Variants in FCN1 observed in about 807,000 individuals in gnomAD.
FCN1 encodes the protein ficolin 1.
In FCN1, 42 loss-of-function variants were observed where a neutral mutation model predicts 35.6. The observed-to-expected ratio is 1.18, with a 90% CI of 0.92 to 1.53. The LOEUF is 1.53. Among genes scored for constraint, FCN1 ranks in the 40% most tolerant of loss-of-function variants. The pLI, the probability that FCN1 is intolerant of heterozygous loss-of-function variation, is 0.00. For missense variants in FCN1, 439 were observed against 428.4 expected, an observed-to-expected ratio of 1.02 and a Z score of -0.22; for synonymous variants, 179 against 169.8, an observed-to-expected ratio of 1.05 and a Z score of -0.42.
At position 134,907,707 on chromosome 9, in the gene FCN1, T is replaced by C. The variant is rs1015584700; in HGVS notation, c.*2091A>G. ...TATCTACAATGGAATCCATAGCACA[T>C]ACCCTCTTGAACAGGCTCCTTTTGC... On this transcript the variant is annotated 3_prime_UTR_variant, in exon 9 of 9. Coordinates refer to ENST00000371806, the MANE Select transcript of FCN1 (RefSeq NM_002003.5). The C allele has an allele frequency of 5.9e-5, 9 of 152,240 alleles. No individual in the cohort carries two copies. Among genetic ancestry groups the C allele is most frequent in the African/African-American group, 2.2e-4 (9 of 41,470 alleles). 9.4% of individuals were successfully genotyped at this position (152,240 alleles called of 1,614,324 possible).
rs1366242238 is a variant in FCN1 at position 134,904,031 on chromosome 9, G to A, written c.*5767C>T. 6.6e-6 allele frequency among the ~76,000 whole-genome samples: 1 copy of A among 152,166 alleles called. No homozygotes were observed. Among genetic ancestry groups the A allele is most frequent in the Non-Finnish European group, 1.5e-5 (1 of 68,032 alleles). ...CTAGAACAAGAGACATATGAGACACGAGCAAACATTGGCCATTGGTGTAAC... is the reference window on the plus strand; with the variant it reads ...CTAGAACAAGAGACATATGAGACACAAGCAAACATTGGCCATTGGTGTAAC... On this transcript the variant is annotated 3_prime_UTR_variant, in exon 9 of 9. Coordinates refer to ENST00000371806, the MANE Select transcript of FCN1 (RefSeq NM_002003.5).
In FCN1 at chr9:134,913,113, C is replaced by A. The variant is rs147309328; in HGVS notation, c.371G>T (p.Arg124Leu). 17 of 1,613,820 alleles carry A rather than the reference C, an allele frequency of 1.1e-5. No individual in the cohort carries two copies. Among genetic ancestry groups the A allele is most frequent in the African/African-American group, 2.7e-5 (2 of 74,926 alleles). The change falls in exon 6 of 9, where the codon CGG becomes CTG. Residue 124 changes from arginine to leucine, a missense_variant. Transcript: ENST00000371806. ...GTGCCAGCCGCTCAGGAAATACCCC[C>A]GGTCTAGCAGGTCCTTGCAGTTGCG... Reference protein sequence around the residue: ...GPRNCKDLLDRGYFLSGWHTI... With the variant: ...GPRNCKDLLDLGYFLSGWHTI...
rs1252164255 is a variant in FCN1, at chr9:134,908,447, C to T, written c.*1351G>A. Reference sequence around the variant, plus strand: ...CAAAGTCAGAGCCTGCAAATACCTTCCATGGCAAAAGAGACTTTGCTGATG... The same window carrying T: ...CAAAGTCAGAGCCTGCAAATACCTTTCATGGCAAAAGAGACTTTGCTGATG... On this transcript the variant is annotated 3_prime_UTR_variant, in exon 9 of 9. Transcript: ENST00000371806. 6.6e-6 allele frequency: 1 copy of T among 152,202 alleles called. No homozygotes were observed. The highest frequency in any genetic ancestry group is 6.5e-5 in the Admixed American group (1 of 15,284). The allele number at this position is 152,202 out of a possible 1,614,324, so 9.4% of individuals were successfully genotyped here.
At chr9:134,914,597 C>T (rs1831068280) in intron 3 of FCN1, among the ~76,000 whole-genome samples, 159 bp downstream of exon 3, 1 of 152,134 alleles carries the variant, frequency 6.6e-6, no homozygotes, top group Non-Finnish European at 1.5e-5. Context: ...TGGAATATCC[C>T]AGGGTCCCTG....
In FCN1 at chr9:134,917,778, T is replaced by A. The variant is rs1358831171; in HGVS notation, c.94A>T (p.Thr32Ser). 6.2e-7 allele frequency: 1 copy of A among 1,612,828 alleles called. No individual in the cohort carries two copies. The highest frequency in any genetic ancestry group is 1.3e-5 in the African/African-American group (1 of 75,028). The part of the protein sequence containing the change: ...IKNLPAQAAD[T>S]CPEVKVVGLE... The stretch of plus-strand genomic sequence containing the variant: ...CCCAGGTCTGTCTCACCTGGACATG[T>A]GTCCGCAGCCTGGGCAGGCAGGTTC... The change falls in exon 1 of 9, where the codon ACA becomes TCA. Residue 32 changes from threonine (T) to serine (S), a missense_variant. By Grantham distance (58) the Thr-to-Ser change is moderately conservative. Coordinates refer to ENST00000371806, the MANE Select transcript of FCN1 (RefSeq NM_002003.5).
chr9:134,909,478 ACT>A lies in FCN1; in HGVS notation c.*318_*319del, dbSNP rs1419275191. Reference sequence around the variant, plus strand: ...TGCCATCTGCTAAATAAGGGTCCTGACTCTTCCCGACTTACCAAATTCCAGGG... The same window carrying A: ...TGCCATCTGCTAAATAAGGGTCCTGACTTCCCGACTTACCAAATTCCAGGG... On this transcript the variant is annotated 3_prime_UTR_variant, in exon 9 of 9. Transcript: ENST00000371806. 7.6e-7 allele frequency: 1 copy of A among 1,315,270 alleles called. No individual in the cohort carries two copies. Among genetic ancestry groups the A allele is most frequent in the East Asian group, 5.0e-5 (1 of 19,924 alleles). The allele number at this position is 1,315,270 out of a possible 1,614,324, so 81.5% of individuals were successfully genotyped here.
rs747393797 is a variant in FCN1 at position 134,910,026 on chromosome 9, G to C, written c.753C>G (p.His251Gln). 3.8e-5 allele frequency: 62 copies of C among 1,613,960 alleles called. No individual in the cohort carries two copies. Among genetic ancestry groups the C allele is most frequent in the Non-Finnish European group, 4.9e-5 (58 of 1,180,008 alleles). The change falls in exon 9 of 9, where the codon CAC (histidine) becomes CAG (glutamine). Residue 251 changes from histidine (H) to glutamine (Q), a missense_variant. Physicochemically the swap from His to Gln is conservative, Grantham distance 24. Transcript: ENST00000371806. ...CTTTGGTGGAGAAGAAGTTGTTGTT[G>C]TGGCCCGTTAGAGAATTACCTGCTC... ...GGSAGNSLTG[H>Q]NNNFFSTKDQ...
At chr9:134,914,558 T>A (rs1831067654) in intron 3 of FCN1, 138 bp from the exon 4 acceptor site, 5 of 996,496 alleles carry the variant, frequency 5.0e-6, no homozygotes, top group Middle Eastern at 2.1e-4. Flanking sequence ...AACGCCCAGG[T>A]CTCAATGGTG....
chr9:134,912,910 C>A lies in FCN1; in HGVS notation c.468+106G>T. On this transcript the variant is annotated intron_variant, in intron 6 of 8. Coordinates refer to ENST00000371806, the MANE Select transcript of FCN1 (RefSeq NM_002003.5). ...CACTTCCCCCATCATCTATGATTGT[C>A]CCCATCCAGGGGAATAGAGAATTCC... 1.3e-6 allele frequency: 2 copies of A among 1,504,926 alleles called. 1 individual carries two copies. Among genetic ancestry groups the A allele is most frequent in the South Asian group, 2.5e-5 (2 of 80,548 alleles). 93.2% of individuals were successfully genotyped at this position (1,504,926 alleles called of 1,614,324 possible).
intron 2 of FCN1, 144 bp from the exon 3 acceptor site, chr9:134,914,953 G>A: frequency 3.0e-6 from 2 of 656,050 alleles, no homozygotes; most frequent in African/African-American, 1.8e-5. Context: ...AGAATTGCTA[G>A]CCATGGATTT....
chr9:134,915,381 C>G (rs1588153493), intron 2 of FCN1, among the ~76,000 whole-genome samples: 1 of 152,176 alleles, frequency 6.6e-6, no homozygotes, highest in African/African-American at 2.4e-5. Flanking sequence ...ACCCCAGTGG[C>G]TGGGGAGAGT....
chr9:134,907,456 A>G lies in FCN1; in HGVS notation c.*2342T>C, dbSNP rs527947586. 1 of 152,362 alleles carries G rather than the reference A, an allele frequency of 6.6e-6. No individual in the cohort carries two copies. The highest frequency in any genetic ancestry group is 2.1e-4 in the South Asian group (1 of 4,828). 9.4% of individuals were successfully genotyped at this position (152,362 alleles called of 1,614,324 possible). A position where few individuals can be genotyped will look rare whatever the true frequency, so the allele number is the denominator to read the frequency against. ...TGTACTCAAAAGTGTATAAAGCAAA[A>G]GTACAGCTTAATTATTTTCATCACT... On this transcript the variant is annotated 3_prime_UTR_variant, in exon 9 of 9. Transcript: ENST00000371806.
At position 134,907,656 on chromosome 9, in the gene FCN1, T is replaced by C. The variant is rs1349093041; in HGVS notation, c.*2142A>G. 1.3e-5 allele frequency: 2 copies of C among 152,234 alleles called. No homozygotes were observed. Among genetic ancestry groups the C allele is most frequent in the Non-Finnish European group, 2.9e-5 (2 of 68,044 alleles). 9.4% of individuals were successfully genotyped at this position (152,234 alleles called of 1,614,324 possible). A position where few individuals can be genotyped will look rare whatever the true frequency, so the allele number is the denominator to read the frequency against. On this transcript the variant is annotated 3_prime_UTR_variant, in exon 9 of 9. Transcript: ENST00000371806. ...CCTAAATATGCATCCAAAATACCAT[T>C]GGCTACTTTTGCTTTTGAAAAACTT...
At position 134,903,735 on chromosome 9, in the gene FCN1, G is replaced by A. The variant is rs1386201745; in HGVS notation, c.*6063C>T. ...GAAGATAAGATCTACAGGCCACTGA[G>A]GTGTTTAAAATGTCTTTAAAAACGA... On this transcript the variant is annotated 3_prime_UTR_variant, in exon 9 of 9. Transcript: ENST00000371806. 6.6e-6 allele frequency among the ~76,000 whole-genome samples: 1 copy of A among 152,122 alleles called. No individual in the cohort carries two copies. The highest frequency in any genetic ancestry group is 2.4e-5 in the African/African-American group (1 of 41,418).
At position 134,907,327 on chromosome 9, in the gene FCN1, CAAGAA is replaced by C. The variant is rs1830967495; in HGVS notation, c.*2466_*2470del. On this transcript the variant is annotated 3_prime_UTR_variant, in exon 9 of 9. Transcript: ENST00000371806. ...GGACCTCTCCTTACAGGTATTGAGT[CAAGAA>C]CACTGGGCATCAGTGGAGGATGTGC... The C allele has an allele frequency of 6.6e-6, 1 of 152,190 alleles. No individual in the cohort carries two copies. 9.4% of individuals were successfully genotyped at this position (152,190 alleles called of 1,614,324 possible).
In FCN1 at chr9:134,909,403, G is replaced by C; in HGVS notation, c.*395C>G. On this transcript the variant is annotated 3_prime_UTR_variant, in exon 9 of 9. Transcript: ENST00000371806. ...GAGGATCGCCCTGTGTCAATTACTG[G>C]AGGTGGAAAATCCTCGCAAAAGTCA... 1 of 1,290,702 alleles carries C rather than the reference G, an allele frequency of 7.7e-7. No individual in the cohort carries two copies. The allele number at this position is 1,290,702 out of a possible 1,614,324, so 80.0% of individuals were successfully genotyped here.
chr9:134,903,392 A>T lies in FCN1; in HGVS notation c.*6406T>A, dbSNP rs534604888. On this transcript the variant is annotated 3_prime_UTR_variant, in exon 9 of 9. Transcript: ENST00000371806. ...AATAAACATTGGCAAATTTAAAATA[A>T]TTGAAATCATATTAAGTTTGTTCTC... is the stretch of plus-strand genomic sequence containing the variant. Among the ~76,000 whole-genome samples, 4 of 152,324 alleles carry T rather than the reference A, an allele frequency of 2.6e-5. No homozygotes were observed. The South Asian group carries it at 8.3e-4, about 32-fold the overall frequency.
chr9:134,913,081 A>T lies in FCN1; in HGVS notation c.403T>A (p.Tyr135Asn), dbSNP rs1329445372. The change falls in exon 6 of 9, where the codon TAC (tyrosine) becomes AAC (asparagine). Residue 135 changes from tyrosine (Y) to asparagine (N), a missense_variant. Physicochemically the swap from Tyr to Asn is moderately radical, Grantham distance 143 (BLOSUM62 -2). Transcript: ENST00000371806. ...GTCAGGGGCCGGCAGTCGGGCAGGT[A>T]GATGGTGTGCCAGCCGCTCAGGAAA... is the stretch of plus-strand genomic sequence containing the variant. Reference protein sequence around the residue: ...GYFLSGWHTIYLPDCRPLTVL... With the variant: ...GYFLSGWHTINLPDCRPLTVL... The T allele has an allele frequency of 6.2e-7, 1 of 1,613,712 alleles. No homozygotes were observed. Among genetic ancestry groups the T allele is most frequent in the South Asian group, 1.1e-5 (1 of 91,000 alleles).
chr9:134,914,965 G>A (rs1176671769), intron 2 of FCN1, among the ~76,000 whole-genome samples, 156 bp from the exon 3 acceptor site: 2 of 152,102 alleles, frequency 1.3e-5, no homozygotes, highest in African/African-American at 2.4e-5. Flanking sequence ...CATGGATTTA[G>A]CCTGGGGGTG....
Sources: gnomAD v4.1 joint callset for allele counts (sites outside exome capture counted in the v4.1 genomes callset) on GRCh38, gnomAD v4.1.1 for gene constraint, MANE v1.5 for transcripts, NCBI Gene and HGNC (gene_info 2026-07-23, HGNC 2026-07-21) for gene names.